The following ADK variants were observed in gnomAD, a reference collection of about 807,000 sequenced individuals.
The protein encoded by ADK is N6,N6-dimethyladenosine kinase.
ADK carries 24 observed loss-of-function variants against 44.7 expected under a neutral mutation model. The observed-to-expected ratio is 0.54, with a 90% confidence interval of 0.39 to 0.76. ADK has a LOEUF of 0.76. ADK is among the 30% of genes least tolerant of loss of function. The pLI is 0.00. For synonymous variants in ADK, 128 were observed against 142.6 expected (o/e 0.90, Z 0.73); for missense variants, 321 against 425.1 (o/e 0.76, Z 2.15).
intron 9 of ADK, 108 bp downstream of exon 9, chr10:74,600,601 A>G (rs1852088938): frequency 3.0e-6 from 1 of 333,926 alleles, no homozygotes; most frequent in Non-Finnish European, 5.4e-6. Context: ...CATATACAAT[A>G]TATATAAAAT....
chr10:74,649,042 T>A (rs1177412625), intron 9 of ADK, among the ~76,000 whole-genome samples: 1 of 151,784 alleles, frequency 6.6e-6, no homozygotes, highest in Non-Finnish European at 1.5e-5. Flanking sequence ...TAGCTGGGCG[T>A]GGTGGCACGC....
intron 3 of ADK, among the ~76,000 whole-genome samples, chr10:74,311,310 A>C (rs539625308): frequency 6.6e-4 from 101 of 152,336 alleles, no homozygotes; most frequent in South Asian, 1.4e-3. Flanking sequence ...TTAACACTTA[A>C]GTAGAAGCAA....
Position 74,355,135 on chromosome 10 carries a change from T to A in ADK, c.274-39006T>A, listed in dbSNP as rs556456095. Among the ~76,000 whole-genome samples the A allele has an allele frequency of 5.9e-5, 9 of 152,296 alleles. No homozygotes were observed. The South Asian group carries it at 1.7e-3, about 28-fold the overall frequency. On this transcript the variant is annotated intron_variant, in intron 4 of 10. Coordinates refer to ENST00000539909, the MANE Select transcript of ADK (RefSeq NM_006721.4). Reference sequence around the variant, plus strand: ...AGACACTGCACCTGCTCTTTTCTAGTTTTATTTGTCTATCTGAAGAGTTTA... The same window carrying A: ...AGACACTGCACCTGCTCTTTTCTAGATTTATTTGTCTATCTGAAGAGTTTA...
At chr10:74,708,253 C>A in intron 10 of ADK, 68 bp from the exon 11 acceptor site, 1 of 1,523,438 alleles carries the variant, frequency 6.6e-7, no homozygotes, top group Non-Finnish European at 8.9e-7. Flanking sequence ...ATATATTGGT[C>A]TGACCCAATA....
chr10:74,315,299 C>G (rs1220390381), intron 4 of ADK, among the ~76,000 whole-genome samples: 2 of 151,896 alleles, frequency 1.3e-5, no homozygotes, highest in Non-Finnish European at 2.9e-5. Flanking sequence ...ATATTCATAC[C>G]TAAATATCTA....
Position 74,337,668 on chromosome 10 carries a change from CTTTT to C in ADK, c.273+22925_273+22928del, listed in dbSNP as rs1188555591. Among the ~76,000 whole-genome samples the C allele has an allele frequency of 1.2e-4, 18 of 151,960 alleles. No individual in the cohort carries two copies. In the East Asian group the frequency reaches 1.9e-3, roughly 16 times the overall value. ...TTATTACTACAGCTGGCTTCATTAG[CTTTT>C]TGTATATTAATCTGTGTTGTCCTAC... On this transcript the variant is annotated intron_variant, in intron 4 of 10. Transcript: ENST00000539909.
At chr10:74,631,358 T>C (rs1853415042) in intron 9 of ADK, among the ~76,000 whole-genome samples, 1 of 151,440 alleles carries the variant, frequency 6.6e-6, no homozygotes, top group South Asian at 2.1e-4. Flanking sequence ...CACTGCAACC[T>C]CTGCCTGCTG....
intron 4 of ADK, among the ~76,000 whole-genome samples, chr10:74,358,388 T>C (rs1211316933): frequency 6.6e-6 from 1 of 152,222 alleles, no homozygotes; most frequent in Non-Finnish European, 1.5e-5. Flanking sequence ...ATGTTGTCTG[T>C]GTCTAATACA....
chr10:74,645,572 CT>C (rs1202716022), intron 9 of ADK, among the ~76,000 whole-genome samples: 6 of 152,104 alleles, frequency 3.9e-5, no homozygotes, highest in Non-Finnish European at 7.4e-5. Context: ...TTTGTGACCC[CT>C]GAATGATTTC....
chr10:74,333,194 G>C (rs1353775447), intron 4 of ADK, among the ~76,000 whole-genome samples: 1 of 151,996 alleles, frequency 6.6e-6, no homozygotes. Context: ...GAATACACAA[G>C]AAATTTAAAT....
intron 9 of ADK, chr10:74,656,056 T>G: frequency 2.1e-6 from 1 of 466,426 alleles, no homozygotes; most frequent in East Asian, 4.5e-5. Flanking sequence ...ACTGGGGAGA[T>G]GATAGACCTG....
intron 6 of ADK, among the ~76,000 whole-genome samples, chr10:74,448,402 A>C (rs963593318): frequency 7.2e-5 from 11 of 152,088 alleles, no homozygotes; most frequent in Admixed American, 3.9e-4. Flanking sequence ...AATAAGAATC[A>C]TTTTTACCTC....
chr10:74,395,437 G>C (rs569219329), intron 5 of ADK, among the ~76,000 whole-genome samples: 48 of 152,150 alleles, frequency 3.2e-4, no homozygotes, highest in African/African-American at 1.1e-3. Flanking sequence ...GGTATGAAAG[G>C]CATTTTCAGA....
At chr10:74,162,615 C>T (rs1316344916) in intron 1 of ADK, among the ~76,000 whole-genome samples, 1 of 150,202 alleles carries the variant, frequency 6.7e-6, no homozygotes, top group Admixed American at 6.6e-5. Context: ...CATGATCTCA[C>T]CTCACTGCAA....
intron 7 of ADK, among the ~76,000 whole-genome samples, chr10:74,569,847 C>G (rs1306022344): frequency 2.6e-5 from 4 of 152,256 alleles, no homozygotes; most frequent in African/African-American, 9.6e-5. Flanking sequence ...AAGTCCTTGC[C>G]CATGCCTATG....
intron 7 of ADK, among the ~76,000 whole-genome samples, chr10:74,540,292 G>A (rs1849583259): frequency 6.6e-6 from 1 of 151,964 alleles, no homozygotes; most frequent in Admixed American, 6.6e-5. Flanking sequence ...CATATTTTAT[G>A]CAGTAATGCC....
intron 2 of ADK, among the ~76,000 whole-genome samples, chr10:74,205,874 A>G (rs1428313311): frequency 6.6e-6 from 1 of 152,154 alleles, no homozygotes; most frequent in Non-Finnish European, 1.5e-5. Context: ...TCTTAACCCT[A>G]TAAAGGTTAC....
chr10:74,701,306 T>C lies in ADK; in HGVS notation c.965-7015T>C, dbSNP rs545735061. On this transcript the variant is annotated intron_variant, in intron 10 of 10. Transcript: ENST00000539909. ...GTACACATGTATACGTATACAGTTATGGATGTAAGTGTGTGTGTGTGCATG... is the reference window on the plus strand; with the variant it reads ...GTACACATGTATACGTATACAGTTACGGATGTAAGTGTGTGTGTGTGCATG... Among the ~76,000 whole-genome samples the C allele has an allele frequency of 5.3e-4, 81 of 152,330 alleles. 2 individuals carry two copies. In the South Asian group the frequency reaches 7.7e-3, roughly 14 times the overall value.
At chr10:74,357,742 G>A (rs1842194968) in intron 4 of ADK, among the ~76,000 whole-genome samples, 2 of 152,120 alleles carry the variant, frequency 1.3e-5, no homozygotes, top group South Asian at 2.1e-4. Flanking sequence ...CTAGTATTTG[G>A]TATAAGTAGA....
Sources: allele counts gnomAD v4.1 joint callset (sites outside exome capture counted in the v4.1 genomes callset), GRCh38; gene constraint gnomAD v4.1.1; transcripts MANE v1.5; gene names NCBI Gene and HGNC (gene_info 2026-07-23, HGNC 2026-07-21).